The following CBLB variants were observed in gnomAD, a reference collection of about 807,000 sequenced individuals.
CBLB encodes E3 ubiquitin-protein ligase CBL-B.
In CBLB, 31 loss-of-function variants were observed where a neutral mutation model predicts 104.9. The observed-to-expected ratio is 0.30, with a 90% confidence interval of 0.22 to 0.40. The LOEUF (loss-of-function observed/expected upper bound fraction) is 0.40, where lower values mean the gene tolerates loss of function less well. Among genes scored for constraint, CBLB ranks in the 10% least tolerant of loss-of-function variants. The pLI is 1.00. For synonymous variants in CBLB, 440 were observed against 422.6 expected (o/e 1.04, Z -0.51); for missense variants, 1,062 against 1,214.6 (o/e 0.87, Z 1.87).
At chr3:105,824,820 C>T (rs1179994597) in intron 3 of CBLB, among the ~76,000 whole-genome samples, 1 of 152,090 alleles carries the variant, frequency 6.6e-6, no homozygotes, top group Non-Finnish European at 1.5e-5. Flanking sequence ...ACTCCAGCCA[C>T]TGAGAAGGAG....
intron 13 of CBLB, among the ~76,000 whole-genome samples, chr3:105,687,401 G>A (rs115368267): frequency 0.012 from 1,850 of 152,068 alleles, 13 homozygotes; most frequent in Middle Eastern, 0.031. Context: ...AGAATTTCTC[G>A]AGTAATTTCC....
chr3:105,789,105 G>A (rs921247082), intron 3 of CBLB, among the ~76,000 whole-genome samples: 2 of 152,164 alleles, frequency 1.3e-5, no homozygotes, highest in African/African-American at 2.4e-5. Context: ...ATCAAGCCAC[G>A]AAATTTTGGG....
rs536667446 is a variant in CBLB, at chr3:105,703,381, T to C, written c.1593+607A>G. Among the ~76,000 whole-genome samples, 49 of 152,286 alleles carry C rather than the reference T, an allele frequency of 3.2e-4. 1 individual carries two copies. In the South Asian group the frequency reaches 0.01, roughly 32 times the overall value. ...TACCAAATAAAATTAATTTTTAAAA[T>C]CTTATACTTATCAAATTCGAGGAAA... is the stretch of plus-strand genomic sequence containing the variant. On this transcript the variant is annotated intron_variant, in intron 11 of 18. Coordinates refer to ENST00000394030, the MANE Select transcript of CBLB (RefSeq NM_170662.5).
At chr3:105,773,685 T>C (rs942942890) in intron 4 of CBLB, among the ~76,000 whole-genome samples, 6 of 152,344 alleles carry the variant, frequency 3.9e-5, no homozygotes, top group Non-Finnish European at 7.3e-5. Context: ...AGTGTGAAGA[T>C]TCAGTTTAGT....
chr3:105,733,128 C>G (rs559235077), intron 9 of CBLB, among the ~76,000 whole-genome samples: 1 of 152,162 alleles, frequency 6.6e-6, no homozygotes, highest in East Asian at 1.9e-4. Context: ...GAGGCCGTGG[C>G]AGGTGGATCA....
intron 9 of CBLB, among the ~76,000 whole-genome samples, chr3:105,723,474 A>C (rs2073167857): frequency 6.6e-6 from 1 of 152,180 alleles, no homozygotes; most frequent in Admixed American, 6.5e-5. Context: ...TACACAGCTG[A>C]AACTAAATTC....
chr3:105,842,990 G>A (rs949622054), intron 3 of CBLB, among the ~76,000 whole-genome samples: 37 of 152,144 alleles, frequency 2.4e-4, no homozygotes, highest in African/African-American at 8.7e-4. Context: ...GTTGGCGAAG[G>A]ACCACCCAAT....
intron 6 of CBLB, among the ~76,000 whole-genome samples, chr3:105,741,602 A>G (rs1216383495): frequency 2.0e-5 from 3 of 152,126 alleles, no homozygotes; most frequent in Non-Finnish European, 2.9e-5. Flanking sequence ...TCACCGTGTT[A>G]GCCAGGATGG....
At chr3:105,796,040 A>G (rs537870447) in intron 3 of CBLB, among the ~76,000 whole-genome samples, 2 of 152,186 alleles carry the variant, frequency 1.3e-5, no homozygotes, top group East Asian at 3.9e-4. Context: ...GATTTTTTAA[A>G]AATTTATCTT....
chr3:105,698,426 T>C (rs888366934), intron 12 of CBLB, among the ~76,000 whole-genome samples: 4 of 152,028 alleles, frequency 2.6e-5, no homozygotes, highest in African/African-American at 7.2e-5. Context: ...TCCTCGCCCA[T>C]TGACAGGGTA....
intron 2 of CBLB, among the ~76,000 whole-genome samples, chr3:105,855,264 G>A (rs2091453500): frequency 6.6e-6 from 1 of 152,142 alleles, no homozygotes; most frequent in Non-Finnish European, 1.5e-5. Flanking sequence ...GATGGGGAGG[G>A]GAAGAAATGG....
chr3:105,868,503 G>C (rs1331692493), intron 1 of CBLB: 14 of 330,152 alleles, frequency 4.2e-5, no homozygotes, highest in Non-Finnish European at 6.4e-5. Context: ...GGGTGGACGC[G>C]CCTCCCGGCC....
At chr3:105,776,270 C>A in intron 4 of CBLB, 126 bp downstream of exon 4, 1 of 849,200 alleles carries the variant, frequency 1.2e-6, no homozygotes, top group East Asian at 2.7e-5. Flanking sequence ...AATCAAAATG[C>A]TTATCAAAAA....
chr3:105,725,639 AAC>A (rs2073503934), intron 9 of CBLB, among the ~76,000 whole-genome samples: 1 of 152,162 alleles, frequency 6.6e-6, no homozygotes, highest in Admixed American at 6.5e-5. Flanking sequence ...TATTACTCCC[AAC>A]GTGAAAGGGA....
intron 18 of CBLB, among the ~76,000 whole-genome samples, chr3:105,661,582 A>G (rs897602489): frequency 3.9e-5 from 6 of 152,182 alleles, no homozygotes; most frequent in Non-Finnish European, 7.3e-5. Flanking sequence ...GATTTTTAAT[A>G]TTGTTATTTT....
chr3:105,807,446 GA>G (rs1408280074), intron 3 of CBLB, among the ~76,000 whole-genome samples: 2 of 152,072 alleles, frequency 1.3e-5, no homozygotes, highest in Non-Finnish European at 2.9e-5. Flanking sequence ...ATATAATCTT[GA>G]AAAGAATCCT....
chr3:105,773,260 A>T (rs1442449532), intron 4 of CBLB, among the ~76,000 whole-genome samples: 1 of 152,242 alleles, frequency 6.6e-6, no homozygotes, highest in Non-Finnish European at 1.5e-5. Flanking sequence ...GCTAGAAACC[A>T]TTATTCTAAG....
At chr3:105,768,699 C>A (rs1263818301) in intron 4 of CBLB, among the ~76,000 whole-genome samples, 1 of 152,154 alleles carries the variant, frequency 6.6e-6, no homozygotes, top group Non-Finnish European at 1.5e-5. Flanking sequence ...GCAAGAAAGA[C>A]CTACATAGTA....
chr3:105,866,917 T>G (rs1200976984), intron 2 of CBLB, among the ~76,000 whole-genome samples: 2 of 152,210 alleles, frequency 1.3e-5, no homozygotes, highest in Non-Finnish European at 2.9e-5. Context: ...TTAATGAAGA[T>G]GAATTCTCAA....
Sources: gnomAD v4.1 joint callset for allele counts (sites outside exome capture counted in the v4.1 genomes callset) on GRCh38, gnomAD v4.1.1 for gene constraint, MANE v1.5 for transcripts, NCBI Gene and HGNC (gene_info 2026-07-23, HGNC 2026-07-21) for gene names.